The following KCMF1 variants were observed in gnomAD, a reference collection of about 807,000 sequenced individuals.
The protein encoded by KCMF1 is E3 ubiquitin-protein ligase KCMF1.
A neutral mutation model predicts 41.1 loss-of-function variants in KCMF1; 3 were observed. That is an observed-to-expected ratio of 0.07 (90% CI 0.03 to 0.19). The LOEUF (loss-of-function observed/expected upper bound fraction) is 0.19, where lower values mean the gene tolerates loss of function less well. KCMF1 is among the 10% of genes least tolerant of loss of function. The pLI is 1.00. For synonymous variants in KCMF1, 142 were observed against 164.5 expected, an observed-to-expected ratio of 0.86 and a Z score of 1.04; for missense variants, 286 against 488.9, an observed-to-expected ratio of 0.58 and a Z score of 3.91.
chr2:85,053,420 A>C lies in KCMF1; in HGVS notation c.*11A>C. The stretch of plus-strand genomic sequence containing the variant: ...CCACCTCCTCTTTGATGACATCCCA[A>C]TTCGCAGACAATGTCCTCTGTGCTG... On this transcript the variant is annotated 3_prime_UTR_variant, in exon 7 of 7. Transcript: ENST00000409785. The C allele has an allele frequency of 2.5e-6, 4 of 1,608,116 alleles. No individual in the cohort carries two copies. The highest frequency in any genetic ancestry group is 2.5e-6 in the Non-Finnish European group (3 of 1,176,784).
chr2:84,994,806 A>C (rs1301311462), intron 1 of KCMF1, among the ~76,000 whole-genome samples: 1 of 152,214 alleles, frequency 6.6e-6, no homozygotes, highest in African/African-American at 2.4e-5. Context: ...TAAGATCCAC[A>C]TGTTACATTT....
At chr2:85,043,727 T>C in intron 4 of KCMF1, 62 bp downstream of exon 4, 1 of 1,181,734 alleles carries the variant, frequency 8.5e-7, no homozygotes, top group East Asian at 2.4e-5. Context: ...TTTGATTTTT[T>C]GTTTTGGAGA....
intron 1 of KCMF1, among the ~76,000 whole-genome samples, chr2:85,017,275 T>C (rs1006532829): frequency 6.7e-6 from 1 of 150,162 alleles, no homozygotes; most frequent in African/African-American, 2.5e-5. Flanking sequence ...ATCCACCCGC[T>C]TCGGCCTCCC....
chr2:85,014,107 G>A (rs1206008034), intron 1 of KCMF1: 1 of 152,156 alleles, frequency 6.6e-6, no homozygotes, highest in Non-Finnish European at 1.5e-5. Flanking sequence ...TCTAGAGTAA[G>A]AACTTAAAAT....
chr2:84,998,851 A>T (rs1439699067), intron 1 of KCMF1, among the ~76,000 whole-genome samples: 1 of 150,634 alleles, frequency 6.6e-6, no homozygotes, highest in Non-Finnish European at 1.5e-5. Flanking sequence ...ACCTCAAGTG[A>T]TCCACCCAAC....
intron 2 of KCMF1, among the ~76,000 whole-genome samples, chr2:85,031,344 G>T (rs1675262263): frequency 6.6e-6 from 1 of 152,052 alleles, no homozygotes; most frequent in Non-Finnish European, 1.5e-5. Flanking sequence ...TATGAGTTTT[G>T]CACTTCCATT....
At chr2:85,000,251 G>A (rs763624643) in intron 1 of KCMF1, among the ~76,000 whole-genome samples, 20 of 151,974 alleles carry the variant, frequency 1.3e-4, no homozygotes, top group Non-Finnish European at 2.5e-4. Flanking sequence ...TCAGCCTCCC[G>A]AGTAGCTGGG....
At position 85,010,846 on chromosome 2, in the gene KCMF1, CT is replaced by C. The variant is rs1285447116; in HGVS notation, c.17-17027del. The stretch of plus-strand genomic sequence containing the variant: ...TTATTCAGTGAGTTATAATCTATTA[CT>C]TTTTTTTTTTTTTTTGAGACGGAGT... On this transcript the variant is annotated intron_variant, in intron 1 of 6. Transcript: ENST00000409785. Among the ~76,000 whole-genome samples the C allele has an allele frequency of 2.7e-3, 380 of 140,566 alleles. 1 individual carries two copies. Among genetic ancestry groups the C allele is most frequent in the African/African-American group, 3.0e-3 (116 of 38,712 alleles). 92.2% of individuals were successfully genotyped at this position (140,566 alleles called of 152,430 possible).
In KCMF1 at chr2:85,049,588, A is replaced by G. The variant is rs1024707372; in HGVS notation, c.824A>G (p.Asn275Ser). ...ATCACACAATCCACAGCAACAACCAACATAGCTAATACAGAAAGCAGTCAG... is the reference window on the plus strand; with the variant it reads ...ATCACACAATCCACAGCAACAACCAGCATAGCTAATACAGAAAGCAGTCAG... The part of the protein sequence containing the change: ...TTITQSTATT[N>S]IANTESSQQT... Residue 275 changes from asparagine to serine, a missense_variant, in exon 6 of 7, where the codon AAC (asparagine) becomes AGC (serine). Physicochemically the swap from Asn to Ser is conservative, Grantham distance 46. Around this residue, in one of 2 missense-constraint regions of KCMF1, gnomAD observed 191 missense variants for 279.3 expected, o/e 0.68. Transcript: ENST00000409785. 6.2e-7 allele frequency: 1 copy of G among 1,613,948 alleles called. No homozygotes were observed. Among genetic ancestry groups the G allele is most frequent in the Non-Finnish European group, 8.5e-7 (1 of 1,179,840 alleles).
chr2:85,015,176 A>G (rs1463754149), intron 1 of KCMF1, among the ~76,000 whole-genome samples: 1 of 147,728 alleles, frequency 6.8e-6, no homozygotes, highest in African/African-American at 2.5e-5. Flanking sequence ...AAAAAAAAAA[A>G]GTCTGTTATA....
intron 3 of KCMF1, among the ~76,000 whole-genome samples, chr2:85,042,488 C>T (rs116498876): frequency 2.0e-5 from 3 of 152,232 alleles, no homozygotes; most frequent in African/African-American, 7.2e-5. Flanking sequence ...TAGATTTTGC[C>T]TAAGTGAAAG....
intron 5 of KCMF1, among the ~76,000 whole-genome samples, chr2:85,048,995 C>G (rs1349312835): frequency 2.0e-5 from 3 of 152,182 alleles, no homozygotes; most frequent in Non-Finnish European, 4.4e-5. Context: ...AGACCTCATC[C>G]CTGCTTCCAT....
chr2:84,974,675 ATATATATATATATATATTTTTTTTTTTTT>A (rs1287501810), intron 1 of KCMF1, among the ~76,000 whole-genome samples: 2 of 34,264 alleles, frequency 5.8e-5, no homozygotes, highest in African/African-American at 2.5e-4. Context: ...ATATATATAT[ATATATATATATATATATTTTTTTTTTTTT>A]TTTTTTTTTT....
chr2:85,034,241 T>C (rs1675354530), intron 2 of KCMF1, among the ~76,000 whole-genome samples: 2 of 152,134 alleles, frequency 1.3e-5, no homozygotes, highest in African/African-American at 4.8e-5. Context: ...AAAAAATGAA[T>C]GTTCAGGGTC....
chr2:84,972,198 G>C (rs1438439349), intron 1 of KCMF1: 1 of 152,320 alleles, frequency 6.6e-6, no homozygotes, highest in East Asian at 1.9e-4. Flanking sequence ...TGCCCTCGCC[G>C]GCATGTGCTG....
intron 1 of KCMF1, among the ~76,000 whole-genome samples, chr2:85,011,809 G>A (rs750177195): frequency 2.7e-4 from 41 of 152,286 alleles, no homozygotes; most frequent in Non-Finnish European, 4.7e-4. Flanking sequence ...CCTTGGCATC[G>A]TAGACATTTT....
At chr2:84,983,760 C>T (rs1355302277) in intron 1 of KCMF1, among the ~76,000 whole-genome samples, 2 of 152,154 alleles carry the variant, frequency 1.3e-5, no homozygotes, top group East Asian at 3.9e-4. Flanking sequence ...ATCCACCCAC[C>T]TTGGCCTCCC....
chr2:85,045,828 T>C (rs1354827320), intron 4 of KCMF1, among the ~76,000 whole-genome samples: 2 of 152,202 alleles, frequency 1.3e-5, no homozygotes, highest in Non-Finnish European at 2.9e-5. Flanking sequence ...TTTTTCATTA[T>C]AGGTGGTATT....
intron 1 of KCMF1, among the ~76,000 whole-genome samples, chr2:85,021,288 T>G (rs1254377369): frequency 6.6e-6 from 1 of 152,208 alleles, no homozygotes; most frequent in Non-Finnish European, 1.5e-5. Context: ...TTAAAAGGTG[T>G]ATATTATTGA....
Sources: gnomAD v4.1 joint callset for allele counts (sites outside exome capture counted in the v4.1 genomes callset) on GRCh38, gnomAD v4.1.1 for gene constraint, gnomAD v4.1.1 regional missense constraint, MANE v1.5 for transcripts, NCBI Gene and HGNC (gene_info 2026-07-23, HGNC 2026-07-21) for gene names.